FASTKD2: variants seen among roughly 807,000 people sequenced by gnomAD.
FASTKD2 encodes the protein FAST kinase domains 2.
In FASTKD2, 51 loss-of-function variants were observed where a neutral mutation model predicts 63.6. That is an observed-to-expected ratio of 0.80 (90% CI 0.64 to 1.01). The LOEUF is 1.01. FASTKD2 is among the 50% of genes least tolerant of loss of function. The pLI, the probability that FASTKD2 is intolerant of heterozygous loss-of-function variation, is 0.00. For synonymous variants in FASTKD2, 284 were observed against 293.4 expected (o/e 0.97, Z 0.33); for missense variants, 786 against 831.1 (o/e 0.95, Z 0.67).
At chr2:206,774,443 C>A (rs377440572) in intron 7 of FASTKD2, 46 bp downstream of exon 7, 1 of 1,221,094 alleles carries the variant, frequency 8.2e-7, no homozygotes, top group South Asian at 1.3e-5. Flanking sequence ...ATATAACTTA[C>A]AAAAAAGGTT....
chr2:206,785,430 T>C (rs1690114280), intron 7 of FASTKD2, among the ~76,000 whole-genome samples: 1 of 152,078 alleles, frequency 6.6e-6, no homozygotes, highest in East Asian at 1.9e-4. Flanking sequence ...GATGGGGTTT[T>C]ACCATGGAAA....
At position 206,790,865 on chromosome 2, in the gene FASTKD2, C is replaced by G. The variant is rs116779051; in HGVS notation, c.2013+179C>G. 2,071 of 602,444 alleles carry G rather than the reference C, an allele frequency of 3.4e-3. 28 individuals carry two copies. The highest frequency in any genetic ancestry group is 0.033 in the African/African-American group (1,778 of 54,660). The allele number at this position is 602,444 out of a possible 1,614,324, so 37.3% of individuals were successfully genotyped here. A position where few individuals can be genotyped will look rare whatever the true frequency, so the allele number is the denominator to read the frequency against. ...ACATTGCTAGTACACGATTTGGGTTCTGCTCAGCTGATTACTGTCATTACT... is the reference window on the plus strand; with the variant it reads ...ACATTGCTAGTACACGATTTGGGTTGTGCTCAGCTGATTACTGTCATTACT... On this transcript the variant is annotated intron_variant, in intron 11 of 11. Transcript: ENST00000402774.
chr2:206,771,924 T>C lies in FASTKD2; in HGVS notation c.1021T>C (p.Ser341Pro). 1 of 1,609,344 alleles carries C rather than the reference T, an allele frequency of 6.2e-7. No homozygotes were observed. Among genetic ancestry groups the C allele is most frequent in the Non-Finnish European group, 8.5e-7 (1 of 1,175,660 alleles). The change falls in exon 5 of 12, where the codon TCT becomes CCT. Residue 341 changes from serine to proline, a missense_variant. Coordinates refer to ENST00000402774, the MANE Select transcript of FASTKD2 (RefSeq NM_001136193.2). ...MKALRELDRFSVLNSQHMFEV... is the reference protein window; with the variant it reads ...MKALRELDRFPVLNSQHMFEV... ...AGCCTTGAGGGAATTAGACAGATTT[T>C]CTGTTTTGAATAGCCAACACATGTT...
chr2:206,786,699 T>C (rs1443641365), intron 7 of FASTKD2, 34 bp from the exon 8 acceptor site: 2 of 1,598,980 alleles, frequency 1.3e-6, no homozygotes, highest in South Asian at 2.2e-5. Context: ...GCCTTCTGTA[T>C]ATGTTGGGAA....
At chr2:206,790,402 T>G (rs1690251197) in intron 10 of FASTKD2, 170 bp from the exon 11 acceptor site, 11 of 624,884 alleles carry the variant, frequency 1.8e-5, no homozygotes, top group South Asian at 1.6e-4. Flanking sequence ...TAGCCTTGTA[T>G]AGTGGAATAT....
At chr2:206,770,568 A>G (rs940172262) in intron 3 of FASTKD2, among the ~76,000 whole-genome samples, 1 of 152,006 alleles carries the variant, frequency 6.6e-6, no homozygotes, top group Non-Finnish European at 1.5e-5. Flanking sequence ...CGTCTCTACT[A>G]AAAATACAAA....
At chr2:206,768,119 T>C (rs1362480137) in intron 2 of FASTKD2, among the ~76,000 whole-genome samples, 2 of 152,192 alleles carry the variant, frequency 1.3e-5, no homozygotes, top group Admixed American at 1.3e-4. Flanking sequence ...CTCTTACGGC[T>C]AGCTAAGGAG....
At chr2:206,768,641 C>T (rs1234834010) in intron 2 of FASTKD2, among the ~76,000 whole-genome samples, 1 of 152,094 alleles carries the variant, frequency 6.6e-6, no homozygotes, top group Non-Finnish European at 1.5e-5. Flanking sequence ...TCGAAGCTGC[C>T]GTGAGCCATG....
intron 7 of FASTKD2, among the ~76,000 whole-genome samples, chr2:206,780,604 A>G (rs1036242396): frequency 6.6e-6 from 1 of 152,188 alleles, no homozygotes. Flanking sequence ...TCTTTGGATT[A>G]ATCTTATTTG....
rs1329080342 is a variant in FASTKD2 at position 206,786,956 on chromosome 2, G to A, written c.1594+57G>A. ...TGTGACCAATTCTGCACTACCACTA[G>A]CTACCATATGACTCTGAATGGGGTC... is the stretch of plus-strand genomic sequence containing the variant. On this transcript the variant is annotated intron_variant, in intron 8 of 11. Coordinates refer to ENST00000402774, the MANE Select transcript of FASTKD2 (RefSeq NM_001136193.2). 10 of 997,694 alleles carry A rather than the reference G, an allele frequency of 1.0e-5. No individual in the cohort carries two copies. The Middle Eastern group carries it at 8.8e-4, about 88-fold the overall frequency. The allele number at this position is 997,694 out of a possible 1,614,324, so 61.8% of individuals were successfully genotyped here.
chr2:206,789,003 T>C, intron 10 of FASTKD2, 100 bp downstream of exon 10: 3 of 727,936 alleles, frequency 4.1e-6, no homozygotes, highest in Non-Finnish European at 7.5e-6. Flanking sequence ...GACTTGATGT[T>C]TGTATGGAGC....
rs530617506 is a variant in FASTKD2, at chr2:206,770,295, G to A, written c.881+101G>A. ...AAACTAAACTCCTTTCTTGAGGGGAGGAGGGGTTGGGGAGGCTTTGTTGGT... is the reference window on the plus strand; with the variant it reads ...AAACTAAACTCCTTTCTTGAGGGGAAGAGGGGTTGGGGAGGCTTTGTTGGT... On this transcript the variant is annotated intron_variant, in intron 3 of 11. Transcript: ENST00000402774. 3 of 799,128 alleles carry A rather than the reference G, an allele frequency of 3.8e-6. No individual in the cohort carries two copies. The African/African-American group carries it at 5.1e-5, about 14-fold the overall frequency. The allele number at this position is 799,128 out of a possible 1,614,324, so 49.5% of individuals were successfully genotyped here. A position where few individuals can be genotyped will look rare whatever the true frequency, so the allele number is the denominator to read the frequency against.
chr2:206,773,326 A>G (rs1689740005), intron 6 of FASTKD2, among the ~76,000 whole-genome samples: 1 of 151,778 alleles, frequency 6.6e-6, no homozygotes, highest in Non-Finnish European at 1.5e-5. Flanking sequence ...CAAAAAAAAA[A>G]AAAAAAAAAA....
intron 7 of FASTKD2, among the ~76,000 whole-genome samples, chr2:206,782,865 C>T (rs1690028565): frequency 6.6e-6 from 1 of 151,832 alleles, no homozygotes; most frequent in African/African-American, 2.4e-5. Flanking sequence ...ATGACAATGC[C>T]CAGCACATAG....
chr2:206,771,877 A>G lies in FASTKD2; in HGVS notation c.991-17A>G, dbSNP rs1689691416. On this transcript the variant is annotated splice_polypyrimidine_tract_variant and intron_variant, in intron 4 of 11. Coordinates refer to ENST00000402774, the MANE Select transcript of FASTKD2 (RefSeq NM_001136193.2). Reference sequence around the variant, plus strand: ...GTCACAGATAGTAAATTAAATTAAAATTTGTTTTTTCTTTAGATGAAAGCC... The same window carrying G: ...GTCACAGATAGTAAATTAAATTAAAGTTTGTTTTTTCTTTAGATGAAAGCC... 1.3e-6 allele frequency: 2 copies of G among 1,552,718 alleles called. No individual in the cohort carries two copies. Among genetic ancestry groups the G allele is most frequent in the Non-Finnish European group, 1.8e-6 (2 of 1,124,362 alleles).
At chr2:206,772,794 A>G (rs1559360876) in intron 6 of FASTKD2, among the ~76,000 whole-genome samples, 1 of 152,192 alleles carries the variant, frequency 6.6e-6, no homozygotes. Context: ...ATTTTGCCCA[A>G]CTATAGGTGA....
intron 1 of FASTKD2, among the ~76,000 whole-genome samples, chr2:206,766,375 C>A (rs972303495): frequency 6.6e-6 from 1 of 151,770 alleles, no homozygotes; most frequent in Non-Finnish European, 1.5e-5. Context: ...AAAGTCTCTC[C>A]TACAGAGAAA....
At chr2:206,777,866 A>G (rs781539828) in intron 7 of FASTKD2, among the ~76,000 whole-genome samples, 2 of 151,808 alleles carry the variant, frequency 1.3e-5, no homozygotes, top group Non-Finnish European at 2.9e-5. Context: ...TTTCTTTATG[A>G]TTCAGTCTTG....
chr2:206,791,577 C>G lies in FASTKD2; in HGVS notation c.2014-106C>G, dbSNP rs1296576943. 5 of 1,071,654 alleles carry G rather than the reference C, an allele frequency of 4.7e-6. No individual in the cohort carries two copies. In the Admixed American group the frequency reaches 8.7e-5, roughly 19 times the overall value. The allele number at this position is 1,071,654 out of a possible 1,614,324, so 66.4% of individuals were successfully genotyped here. A position where few individuals can be genotyped will look rare whatever the true frequency, so the allele number is the denominator to read the frequency against. On this transcript the variant is annotated intron_variant, in intron 11 of 11. Coordinates refer to ENST00000402774, the MANE Select transcript of FASTKD2 (RefSeq NM_001136193.2). ...GTAGTTATAAGGTCACATTTGCTTT[C>G]AAAAAGCTATTGTCCTCATGTTACT...
Sources: gnomAD v4.1 joint callset for allele counts (sites outside exome capture counted in the v4.1 genomes callset) on GRCh38, gnomAD v4.1.1 for gene constraint, MANE v1.5 for transcripts, NCBI Gene and HGNC (gene_info 2026-07-23, HGNC 2026-07-21) for gene names.